Variants in TTC23 observed in about 807,000 individuals in gnomAD.
TTC23 encodes the protein tetratricopeptide repeat protein 23.
Under a neutral mutation model 55.1 loss-of-function variants are expected in TTC23, and 58 were observed. The observed-to-expected ratio is 1.05, with a 90% CI of 0.85 to 1.31. The LOEUF is 1.31. Ranked by LOEUF, TTC23 falls within the 50% of genes most tolerant of loss-of-function variation. The pLI, the probability that TTC23 is intolerant of heterozygous loss-of-function variation, is 0.00. For missense variants in TTC23, 516 were observed against 534.4 expected (o/e 0.97, Z 0.34); for synonymous variants, 203 against 199.9 (o/e 1.02, Z -0.13).
At chr15:99,225,754 G>C (rs2078349750) in intron 5 of TTC23, among the ~76,000 whole-genome samples, 1 of 152,196 alleles carries the variant, frequency 6.6e-6, no homozygotes, top group Non-Finnish European at 1.5e-5. Context: ...TCAGGTGGCA[G>C]AGTGAAGTTT....
chr15:99,152,100 A>T lies in TTC23; in HGVS notation c.1143+4048T>A, dbSNP rs2069845439. The stretch of plus-strand genomic sequence containing the variant: ...GGGGATTTCTCATGAATGTTTAAGC[A>T]CTATCCTCTTAGTGCTGTCCTCACG... On this transcript the variant is annotated intron_variant, in intron 12 of 13. Coordinates refer to ENST00000394132, the MANE Select transcript of TTC23 (RefSeq NM_001288615.3). 2.6e-5 allele frequency among the ~76,000 whole-genome samples: 4 copies of T among 152,186 alleles called. No homozygotes were observed. In the South Asian group the frequency reaches 8.3e-4, roughly 32 times the overall value.
intron 9 of TTC23, among the ~76,000 whole-genome samples, chr15:99,179,242 G>A (rs2073893354): frequency 6.6e-6 from 1 of 151,896 alleles, no homozygotes; most frequent in South Asian, 2.1e-4. Context: ...CCTCATCATC[G>A]CCCACTCTGT....
chr15:99,235,241 C>A (rs1480138800), intron 3 of TTC23, among the ~76,000 whole-genome samples, 161 bp from the exon 4 acceptor site: 5 of 151,662 alleles, frequency 3.3e-5, no homozygotes, highest in Admixed American at 3.3e-4. Flanking sequence ...GAGGAAGACA[C>A]CATCTCAAAA....
intron 12 of TTC23, among the ~76,000 whole-genome samples, chr15:99,151,539 A>AG (rs2069747818): frequency 6.6e-6 from 1 of 152,268 alleles, no homozygotes. Flanking sequence ...CCCTCCTGGC[A>AG]TGAGAGTCTA....
chr15:99,140,589 C>CA (rs2068115064), intron 12 of TTC23: 1 of 152,146 alleles, frequency 6.6e-6, no homozygotes, highest in Non-Finnish European at 1.5e-5. Context: ...AGGCTGGTCT[C>CA]AAACTCCTGA....
At chr15:99,193,776 G>A (rs981210091) in intron 9 of TTC23, among the ~76,000 whole-genome samples, 1 of 152,130 alleles carries the variant, frequency 6.6e-6, no homozygotes, top group African/African-American at 2.4e-5. Context: ...GGGAGGCTAA[G>A]GCAGTCATAT....
intron 4 of TTC23, among the ~76,000 whole-genome samples, chr15:99,232,378 C>T (rs1322430320): frequency 6.6e-6 from 1 of 151,190 alleles, no homozygotes; most frequent in East Asian, 2.0e-4. Context: ...ACTCGGGAGG[C>T]TGAGGCAGGA....
chr15:99,232,349 C>T (rs2079000105), intron 4 of TTC23, among the ~76,000 whole-genome samples: 1 of 151,218 alleles, frequency 6.6e-6, no homozygotes, highest in Non-Finnish European at 1.5e-5. Flanking sequence ...CGTGGTGGCA[C>T]ATGCCTGTAA....
chr15:99,215,622 T>C (rs1400881153), intron 8 of TTC23, among the ~76,000 whole-genome samples: 1 of 152,120 alleles, frequency 6.6e-6, no homozygotes, highest in African/African-American at 2.4e-5. Context: ...GGCACACACC[T>C]GTAGTCCAAG....
At chr15:99,169,101 C>T (rs1038526657) in intron 10 of TTC23, among the ~76,000 whole-genome samples, 1 of 152,212 alleles carries the variant, frequency 6.6e-6, no homozygotes, top group African/African-American at 2.4e-5. Flanking sequence ...AGCCTCACTC[C>T]ACTGCACCCT....
intron 9 of TTC23, among the ~76,000 whole-genome samples, chr15:99,190,124 G>A (rs992124048): frequency 5.9e-5 from 9 of 152,042 alleles, no homozygotes; most frequent in African/African-American, 2.2e-4. Context: ...AGGCTGCAGT[G>A]AGCTGTGTTT....
At chr15:99,216,388 TGAATG>T (rs1461444011) in intron 8 of TTC23, among the ~76,000 whole-genome samples, 2 of 152,026 alleles carry the variant, frequency 1.3e-5, no homozygotes, top group Non-Finnish European at 2.9e-5. Flanking sequence ...AAGGTGAAAA[TGAATG>T]GATTTGAGTG....
At chr15:99,236,757 T>C (rs753014497) in intron 3 of TTC23, among the ~76,000 whole-genome samples, 8 of 152,242 alleles carry the variant, frequency 5.3e-5, no homozygotes, top group Non-Finnish European at 1.0e-4. Context: ...TTATATATGC[T>C]AGACCTTAAC....
intron 10 of TTC23, among the ~76,000 whole-genome samples, chr15:99,166,910 G>A (rs1429926917): frequency 1.3e-5 from 2 of 152,166 alleles, no homozygotes; most frequent in Non-Finnish European, 2.9e-5. Context: ...GTGTGTCCAC[G>A]TGTGCACCTT....
chr15:99,215,579 T>C (rs1412334189), intron 8 of TTC23, among the ~76,000 whole-genome samples: 1 of 151,778 alleles, frequency 6.6e-6, no homozygotes. Flanking sequence ...ATTTCATCTC[T>C]ACAAAAAATA....
intron 9 of TTC23, among the ~76,000 whole-genome samples, chr15:99,179,219 G>T (rs2073890322): frequency 6.6e-6 from 1 of 152,108 alleles, no homozygotes; most frequent in Admixed American, 6.5e-5. Context: ...CAGTCCCTGG[G>T]TCACACTCCA....
Position 99,182,244 on chromosome 15 carries a change from TCTCTCACA to T in TTC23, c.760-7097_760-7090del, listed in dbSNP as rs1355867974. ...AGAAATCTCTCTCTCTCTCTCTCTCTCTCTCACACACACACACACACACACACACACAC... is the reference window on the plus strand; with the variant it reads ...AGAAATCTCTCTCTCTCTCTCTCTCTCACACACACACACACACACACACAC... On this transcript the variant is annotated intron_variant, in intron 9 of 13. Coordinates refer to ENST00000394132, the MANE Select transcript of TTC23 (RefSeq NM_001288615.3). Among the ~76,000 whole-genome samples, 580 of 102,236 alleles carry T rather than the reference TCTCTCACA, an allele frequency of 5.7e-3. 2 individuals are homozygous for T. Among genetic ancestry groups the T allele is most frequent in the African/African-American group, 0.019 (515 of 26,496 alleles). 67.1% of individuals were successfully genotyped at this position (102,236 alleles called of 152,430 possible).
intron 9 of TTC23, among the ~76,000 whole-genome samples, chr15:99,193,552 C>T (rs1294945059): frequency 6.6e-6 from 1 of 152,200 alleles, no homozygotes; most frequent in East Asian, 1.9e-4. Flanking sequence ...CTTCCCCAGC[C>T]ATATGGAACT....
chr15:99,195,354 A>G (rs188330833), intron 9 of TTC23, among the ~76,000 whole-genome samples: 4 of 152,378 alleles, frequency 2.6e-5, no homozygotes, highest in African/African-American at 9.6e-5. Flanking sequence ...CCAGGGAAAT[A>G]CAATTTAAAA....
Sources: gnomAD v4.1 joint callset for allele counts (sites outside exome capture counted in the v4.1 genomes callset) on GRCh38, gnomAD v4.1.1 for gene constraint, MANE v1.5 for transcripts, NCBI Gene and HGNC (gene_info 2026-07-23, HGNC 2026-07-21) for gene names.